The following KLK8 variants were observed in gnomAD, a reference collection of about 807,000 sequenced individuals.
KLK8 encodes kallikrein-8.
Under a neutral mutation model 26.7 loss-of-function variants are expected in KLK8, and 18 were observed. The ratio of observed to expected loss-of-function variants is 0.67; its 90% CI spans 0.47 to 1.00. The LOEUF (loss-of-function observed/expected upper bound fraction) is 1.00. KLK8 is among the 50% of genes least tolerant of loss of function. The probability of loss-of-function intolerance (pLI) is 0.00; values close to 1 mark genes in which losing one functional copy is unlikely to be tolerated. For missense variants in KLK8, 301 were observed against 331.7 expected (o/e 0.91, Z 0.72); for synonymous variants, 137 against 127.1 (o/e 1.08, Z -0.52).
exon 7 of KLK8, chr19:50,996,144 C>T (rs1346477622): frequency 1.2e-6 from 2 of 1,614,116 alleles, no homozygotes; most frequent in Non-Finnish European, 1.7e-6. Flanking sequence ...GGACCTCCCA[C>T]AGGGGTCTGA....
Position 50,997,607 on chromosome 19 carries a change from T to C in KLK8, c.627+144A>G, listed in dbSNP as rs1038192495. ...AGAGTTTGGCTTCTCTGAACCTGGCTCCCAATCCGTAGAGATAGGGGTGAA... is the reference window on the plus strand; with the variant it reads ...AGAGTTTGGCTTCTCTGAACCTGGCCCCCAATCCGTAGAGATAGGGGTGAA... On this transcript the variant is annotated intron_variant, in intron 6 of 6. Coordinates refer to ENST00000600767, the Ensembl canonical transcript of KLK8. The C allele has an allele frequency of 4.3e-6, 4 of 925,610 alleles. No individual in the cohort carries two copies. In the African/African-American group the frequency reaches 5.0e-5, roughly 11 times the overall value. The allele number at this position is 925,610 out of a possible 1,614,324, so 57.3% of individuals were successfully genotyped here. A position where few individuals can be genotyped will look rare whatever the true frequency, so the allele number is the denominator to read the frequency against.
chr19:50,996,921 CA>C lies in KLK8; in HGVS notation c.628-708del, dbSNP rs1568554314. ...ACACACACACACACACACACACACA[CA>C]CACACACACACACACACCATATCCC... On this transcript the variant is annotated intron_variant, in intron 6 of 6. Coordinates refer to ENST00000600767, the Ensembl canonical transcript of KLK8. 1.8e-4 allele frequency among the ~76,000 whole-genome samples: 28 copies of C among 151,520 alleles called. 1 individual carries two copies. The highest frequency in any genetic ancestry group is 1.4e-3 in the Admixed American group (22 of 15,190).
In KLK8 at chr19:50,997,900, T is replaced by A; in HGVS notation, c.494-16A>T. ...GGAAAATTCTCTGAGGGGGAAGAGG[T>A]TGTAAGGTTCCCTGAGAGAGCAGCC... On this transcript the variant is annotated splice_polypyrimidine_tract_variant and intron_variant, in intron 5 of 6. Transcript: ENST00000600767. 6.2e-7 allele frequency: 1 copy of A among 1,613,590 alleles called. No homozygotes were observed. The highest frequency in any genetic ancestry group is 8.5e-7 in the Non-Finnish European group (1 of 1,179,940).
rs1013811429 is a variant in KLK8, at chr19:51,000,973, C to T, written c.70+125G>A. 6 of 949,036 alleles carry T rather than the reference C, an allele frequency of 6.3e-6. No individual in the cohort carries two copies. The Admixed American group carries it at 1.1e-4, about 18-fold the overall frequency. The allele number at this position is 949,036 out of a possible 1,614,324, so 58.8% of individuals were successfully genotyped here. A position where few individuals can be genotyped will look rare whatever the true frequency, so the allele number is the denominator to read the frequency against. ...GGAAAGCCCACAGAGGCTCCTGCACCGTATCGCACTCTTCACATCCGTGCA... is the reference window on the plus strand; with the variant it reads ...GGAAAGCCCACAGAGGCTCCTGCACTGTATCGCACTCTTCACATCCGTGCA... On this transcript the variant is annotated intron_variant, in intron 3 of 6. Transcript: ENST00000600767.
rs2091186115 is a variant in KLK8 at position 50,997,954 on chromosome 19, C to T, written c.494-70G>A. Reference sequence around the variant, plus strand: ...TGCCTCCATCCCTGTCTGGATCTAACCCCCTTTCTTTCCAGGATGTAATGG... The same window carrying T: ...TGCCTCCATCCCTGTCTGGATCTAATCCCCTTTCTTTCCAGGATGTAATGG... On this transcript the variant is annotated intron_variant, in intron 5 of 6. Transcript: ENST00000600767. 2.5e-6 allele frequency: 4 copies of T among 1,586,252 alleles called. No individual in the cohort carries two copies. The East Asian group carries it at 8.9e-5, about 35-fold the overall frequency.
At chr19:51,000,508 G>A in exon 4 of KLK8, 2 of 1,614,044 alleles carry the variant, frequency 1.2e-6, no homozygotes, top group Non-Finnish European at 1.7e-6. Context: ...CTGGAACAAG[G>A]CCGCCTGCCA....
intron 3 of KLK8, 192 bp from the exon 3 acceptor site, chr19:51,000,775 C>A: frequency 6.8e-7 from 1 of 1,481,368 alleles, no homozygotes; most frequent in Admixed American, 2.3e-5. Flanking sequence ...AGTCACACAC[C>A]CAAGAATGCC....
At chr19:51,001,120 G>C (rs2091220934) in exon 3 of KLK8, 2 of 1,613,238 alleles carry the variant, frequency 1.2e-6, no homozygotes, top group African/African-American at 1.3e-5. Context: ...CCCCCAGCAA[G>C]AGCAGGAACA....
chr19:51,000,307 G>C, intron 4 of KLK8, 49 bp from the exon 4 acceptor site: 1 of 1,543,638 alleles, frequency 6.5e-7, no homozygotes, highest in East Asian at 2.3e-5. Context: ...ATTGCCCCCA[G>C]CCCCCTCCTC....
chr19:50,996,340 T>C lies in KLK8; in HGVS notation c.628-126A>G, dbSNP rs143058017. ...CCTGTAGCCAATGGGGGTAAAAGCA[T>C]TGTCCCCTGAGACCAGTCAGGACAG... On this transcript the variant is annotated intron_variant, in intron 6 of 6. Coordinates refer to ENST00000600767, the Ensembl canonical transcript of KLK8. 124 of 985,210 alleles carry C rather than the reference T, an allele frequency of 1.3e-4. 1 individual carries two copies. In the East Asian group the frequency reaches 3.1e-3, roughly 25 times the overall value. 61.0% of individuals were successfully genotyped at this position (985,210 alleles called of 1,614,324 possible). A position where few individuals can be genotyped will look rare whatever the true frequency, so the allele number is the denominator to read the frequency against.
At chr19:50,996,936 A>C (rs1722562) in intron 6 of KLK8, among the ~76,000 whole-genome samples, 4,493 of 59,244 alleles carry the variant, frequency 0.076, 125 homozygotes, top group African/African-American at 0.14. Context: ...ACACACACAC[A>C]CACCATATCC....
At chr19:51,000,184 T>A (rs753069930) in exon 5 of KLK8, 1 of 1,611,042 alleles carries the variant, frequency 6.2e-7, no homozygotes, top group Non-Finnish European at 8.5e-7. Context: ...TGGGATGGAC[T>A]GAACCACAGG....
chr19:50,996,205 C>G (rs1301651828), exon 7 of KLK8: 2 of 1,614,032 alleles, frequency 1.2e-6, no homozygotes, highest in Admixed American at 1.7e-5. Context: ...AGGGGGCCTC[C>G]AGAATCGCCC....
chr19:51,001,552 G>A (rs74705037), exon 2 of KLK8: 5,283 of 196,382 alleles, frequency 0.027, 105 homozygotes, highest in Admixed American at 0.041. Context: ...CCAGGGGCGG[G>A]GTCACCTACT....
intron 6 of KLK8, 141 bp downstream of exon 5, chr19:50,997,610 C>G (rs771942931): frequency 4.1e-6 from 4 of 967,390 alleles, no homozygotes; most frequent in Non-Finnish European, 6.2e-6. Context: ...ACCTGGCTCC[C>G]AATCCGTAGA....
intron 4 of KLK8, 69 bp downstream of exon 3, chr19:51,000,355 C>T (rs2091210945): frequency 3.2e-6 from 5 of 1,547,500 alleles, no homozygotes; most frequent in Non-Finnish European, 4.4e-6. Flanking sequence ...CTCTCTCCTT[C>T]CTGAGTCGAA....
At chr19:50,996,306 G>A in intron 6 of KLK8, 92 bp from the exon 6 acceptor site, 1 of 1,420,336 alleles carries the variant, frequency 7.0e-7, no homozygotes, top group African/African-American at 1.4e-5. Context: ...TCTTTGGCAT[G>A]ATTGGTCCCC....
intron 6 of KLK8, among the ~76,000 whole-genome samples, chr19:50,996,917 CACACACACACACACACACA>C: frequency 6.6e-6 from 1 of 151,382 alleles, no homozygotes; most frequent in Non-Finnish European, 1.5e-5. Flanking sequence ...CACACACACA[CACACACACACACACACACA>C]CACCATATCC....
intron 6 of KLK8, among the ~76,000 whole-genome samples, chr19:50,996,751 T>G (rs1278454888): frequency 7.6e-4 from 69 of 90,404 alleles, no homozygotes; most frequent in African/African-American, 1.2e-3. Context: ...AAAAAAAGAG[T>G]TCTCGAGGGT....
Sources: allele counts gnomAD v4.1 joint callset (sites outside exome capture counted in the v4.1 genomes callset), GRCh38; gene constraint gnomAD v4.1.1; transcripts MANE v1.5; gene names NCBI Gene and HGNC (gene_info 2026-07-23, HGNC 2026-07-21).